Variants in PACS2 observed in about 807,000 individuals in gnomAD.
PACS2 encodes the protein PACS1-like protein.
A neutral mutation model predicts 113.0 loss-of-function variants in PACS2; 36 were observed. The observed-to-expected ratio is 0.32, with a 90% CI of 0.24 to 0.42. The LOEUF is 0.42. PACS2 is among the 10% of genes least tolerant of loss of function. PACS2 has a pLI of 1.00. For synonymous variants in PACS2, 589 were observed against 536.1 expected, an observed-to-expected ratio of 1.10 and a Z score of -1.36; for missense variants, 1,015 against 1,239.5, an observed-to-expected ratio of 0.82 and a Z score of 2.72.
chr14:105,384,509 GGGCCCC>G (rs782621080), intron 17 of PACS2, 46 bp downstream of exon 17: 2 of 1,301,008 alleles, frequency 1.5e-6, no homozygotes. Flanking sequence ...CGGGAGGAAG[GGGCCCC>G]GGTTTCCCCA....
At chr14:105,381,805 C>T (rs2081004893) in intron 12 of PACS2, 109 bp from the exon 13 acceptor site, 2 of 1,038,940 alleles carry the variant, frequency 1.9e-6, no homozygotes, top group Admixed American at 2.6e-5. Flanking sequence ...TGTGCTCACC[C>T]TTCCCTGTCC....
In PACS2 at chr14:105,351,298, G is replaced by A. The variant is rs141464459; in HGVS notation, c.208-1080G>A. On this transcript the variant is annotated intron_variant, in intron 2 of 24. Transcript: ENST00000447393. ...GAATCTATTTTGATATAAAGTTTGC[G>A]GTTGGGGTCCTGTTGTCTTTCACGC... is the stretch of plus-strand genomic sequence containing the variant. 8.5e-5 allele frequency among the ~76,000 whole-genome samples: 13 copies of A among 152,332 alleles called. No individual in the cohort carries two copies. In the East Asian group the frequency reaches 1.3e-3, roughly 16 times the overall value.
At chr14:105,334,616 T>C (rs587677879) in intron 1 of PACS2, among the ~76,000 whole-genome samples, 9 of 151,814 alleles carry the variant, frequency 5.9e-5, no homozygotes, top group East Asian at 5.8e-4. Context: ...AGTGTCTACA[T>C]AGAGCTCCAC....
Position 105,383,406 on chromosome 14 carries a change from C to CG in PACS2, c.1676dup (p.Ala560SerfsTer115). 1 of 1,608,620 alleles carries CG rather than the reference C, an allele frequency of 6.2e-7. No individual in the cohort carries two copies. Among genetic ancestry groups the CG allele is most frequent in the Non-Finnish European group, 8.5e-7 (1 of 1,179,742 alleles). ...CCGACCCCCGTGAAGATCGCCGTGG[C>CG]GGGAGCGCAGCATTACCTCAGTGCC... is the stretch of plus-strand genomic sequence containing the variant. On this transcript the variant is annotated frameshift_variant, in exon 16 of 25. Coordinates refer to ENST00000447393, the MANE Select transcript of PACS2 (RefSeq NM_001100913.3). LOFTEE classifies it high-confidence loss of function.
chr14:105,391,132 C>A, intron 20 of PACS2, 75 bp from the exon 21 acceptor site: 1 of 1,153,660 alleles, frequency 8.7e-7, no homozygotes, highest in Non-Finnish European at 1.3e-6. Flanking sequence ...GGTGGGGAGG[C>A]GGGAGCCCCA....
In PACS2 at chr14:105,365,204, T is replaced by C. The variant is rs1333371826; in HGVS notation, c.424-2009T>C. Reference sequence around the variant, plus strand: ...GGGTCAGCAGGGGCAGGAGTGGGAATGGCCACAGTCCAGGACAGTGACCTG... The same window carrying C: ...GGGTCAGCAGGGGCAGGAGTGGGAACGGCCACAGTCCAGGACAGTGACCTG... On this transcript the variant is annotated intron_variant, in intron 4 of 24. Coordinates refer to ENST00000447393, the MANE Select transcript of PACS2 (RefSeq NM_001100913.3). This position sits in a 1 kb window ranked among gnomAD's most constrained non-coding sequence, Gnocchi z 5.1. 6.6e-6 allele frequency among the ~76,000 whole-genome samples: 1 copy of C among 152,128 alleles called. No homozygotes were observed. The highest frequency in any genetic ancestry group is 2.4e-5 in the African/African-American group (1 of 41,432).
chr14:105,389,505 GC>G, intron 19 of PACS2: 1 of 187,722 alleles, frequency 5.3e-6, no homozygotes, highest in Non-Finnish European at 1.1e-5. Context: ...ACCAGAGAGG[GC>G]CCAGGCTCTT....
At position 105,376,565 on chromosome 14, in the gene PACS2, G is replaced by A. The variant is rs587597723; in HGVS notation, c.802-203G>A. On this transcript the variant is annotated intron_variant, in intron 8 of 24. Transcript: ENST00000447393. This position sits in a 1 kb window ranked among gnomAD's most constrained non-coding sequence, Gnocchi z 4.7. ...CAGGGGAGGTGGAGGAATGCCACAC[G>A]CACCGGTACCTGGGGACCGGGGGTC... is the stretch of plus-strand genomic sequence containing the variant. Among the ~76,000 whole-genome samples the A allele has an allele frequency of 6.6e-6, 1 of 152,280 alleles. No individual in the cohort carries two copies. Among genetic ancestry groups the A allele is most frequent in the East Asian group, 1.9e-4 (1 of 5,168 alleles).
In PACS2 at chr14:105,394,560, TCGA is replaced by T; in HGVS notation, c.2606_2608del (p.Asp869del). On this transcript the variant is annotated inframe_deletion, in exon 25 of 25. Transcript: ENST00000447393. ...AGGCAGCCCTCTCCCACAGTCCTCA[TCGA>T]CGGCGTGGAGTGCAGCGACGTCAAG... 1 of 1,612,802 alleles carries T rather than the reference TCGA, an allele frequency of 6.2e-7. No homozygotes were observed. Among genetic ancestry groups the T allele is most frequent in the Non-Finnish European group, 8.5e-7 (1 of 1,179,848 alleles).
intron 1 of PACS2, among the ~76,000 whole-genome samples, chr14:105,342,920 A>G (rs1449876700): frequency 6.1e-5 from 9 of 148,476 alleles, no homozygotes; most frequent in Admixed American, 6.0e-4. Flanking sequence ...GGGTGACAGC[A>G]GGACTCTGTC....
intron 4 of PACS2, among the ~76,000 whole-genome samples, chr14:105,360,609 TG>T (rs1555406247): frequency 6.6e-6 from 1 of 151,836 alleles, no homozygotes; most frequent in African/African-American, 2.4e-5. Context: ...TGTAACCCTT[TG>T]GCTGGTGGGG....
chr14:105,369,141 C>G (rs998107423), intron 7 of PACS2, among the ~76,000 whole-genome samples: 1 of 152,222 alleles, frequency 6.6e-6, no homozygotes, highest in Non-Finnish European at 1.5e-5. Context: ...CAGCCCAGCC[C>G]GGACACCGCC....
rs968373979 is a variant in PACS2 at position 105,330,368 on chromosome 14, C to T, written c.119+15331C>T. Among the ~76,000 whole-genome samples the T allele has an allele frequency of 2.7e-5, 4 of 150,824 alleles. No individual in the cohort carries two copies. The highest frequency in any genetic ancestry group is 4.9e-5 in the African/African-American group (2 of 40,926). ...CCAAGAAGCCTGGGGTCCGTGTGTCCGTAGGAACGGGGGACAGGAGGTTGT... is the reference window on the plus strand; with the variant it reads ...CCAAGAAGCCTGGGGTCCGTGTGTCTGTAGGAACGGGGGACAGGAGGTTGT... On this transcript the variant is annotated intron_variant, in intron 1 of 24. Coordinates refer to ENST00000447393, the MANE Select transcript of PACS2 (RefSeq NM_001100913.3). The surrounding 1 kb of genome is among the most constrained non-coding windows in gnomAD (Gnocchi z 6.9).
Position 105,394,544 on chromosome 14 carries a change from T to A in PACS2, c.2597-10T>A. ...AGGGGGGCAGGCGGTCAGGCAGCCC[T>A]CTCCCACAGTCCTCATCGACGGCGT... is the stretch of plus-strand genomic sequence containing the variant. On this transcript the variant is annotated splice_polypyrimidine_tract_variant and intron_variant, in intron 24 of 24. Transcript: ENST00000447393. The A allele has an allele frequency of 6.2e-7, 1 of 1,611,314 alleles. No individual in the cohort carries two copies. Among genetic ancestry groups the A allele is most frequent in the Non-Finnish European group, 8.5e-7 (1 of 1,178,930 alleles).
chr14:105,379,879 C>A, intron 10 of PACS2, 50 bp downstream of exon 10: 1 of 1,551,780 alleles, frequency 6.4e-7, no homozygotes, highest in Non-Finnish European at 8.9e-7. Flanking sequence ...TCTGACTGGG[C>A]TGTGGTGTGG....
chr14:105,363,920 G>A (rs2060824918), intron 4 of PACS2, among the ~76,000 whole-genome samples: 1 of 152,132 alleles, frequency 6.6e-6, no homozygotes, highest in Non-Finnish European at 1.5e-5. Flanking sequence ...TCGGAAGAGA[G>A]AGGCCACAGG....
Position 105,394,683 on chromosome 14 carries a change from C to G in PACS2, c.*11C>G. 6.4e-7 allele frequency: 1 copy of G among 1,553,610 alleles called. No homozygotes were observed. The stretch of plus-strand genomic sequence containing the variant: ...AAGGCCACCTTCTAGCCCCACCCAC[C>G]AGGGGGCCCACCTCCTGCCCCATGC... On this transcript the variant is annotated 3_prime_UTR_variant, in exon 25 of 25. Coordinates refer to ENST00000447393, the MANE Select transcript of PACS2 (RefSeq NM_001100913.3).
rs188983842 is a variant in PACS2, at chr14:105,343,634, T to G, written c.120-4859T>G. On this transcript the variant is annotated intron_variant, in intron 1 of 24. Transcript: ENST00000447393. ...AATAACTAATAATTTTGAGCATCTT[T>G]TCATGTGCTTATTTGCTATCAATGT... is the stretch of plus-strand genomic sequence containing the variant. 2.5e-3 allele frequency among the ~76,000 whole-genome samples: 380 copies of G among 152,344 alleles called. 2 individuals are homozygous for G. Among genetic ancestry groups the G allele is most frequent in the African/African-American group, 8.8e-3 (364 of 41,586 alleles).
At chr14:105,388,422 C>T (rs979003203) in intron 19 of PACS2, among the ~76,000 whole-genome samples, 1 of 152,208 alleles carries the variant, frequency 6.6e-6, no homozygotes, top group Non-Finnish European at 1.5e-5. Flanking sequence ...AAGCCTCTGC[C>T]CTGCAGGGCT....
Sources: allele counts gnomAD v4.1 joint callset (sites outside exome capture counted in the v4.1 genomes callset), GRCh38; gene constraint gnomAD v4.1.1; non-coding constraint Gnocchi (gnomAD v3.1); transcripts MANE v1.5; gene names NCBI Gene and HGNC (gene_info 2026-07-23, HGNC 2026-07-21).